UBASH3B: variants seen among roughly 807,000 people sequenced by gnomAD.
UBASH3B encodes the protein ubiquitin associated and SH3 domain containing B.
A neutral mutation model predicts 83.4 loss-of-function variants in UBASH3B; 37 were observed. The observed-to-expected ratio is 0.44, with a 90% CI of 0.34 to 0.58. The LOEUF is 0.58. Among genes scored for constraint, UBASH3B ranks in the 20% least tolerant of loss-of-function variants. The probability of loss-of-function intolerance (pLI) is 0.01; values close to 1 mark genes in which losing one functional copy is unlikely to be tolerated. For synonymous variants in UBASH3B, 304 were observed against 318.3 expected (o/e 0.96, Z 0.48); for missense variants, 657 against 827.2 (o/e 0.79, Z 2.52).
intron 6 of UBASH3B, among the ~76,000 whole-genome samples, chr11:122,791,559 CCTGTAGATGAA>C (rs1861054369): frequency 6.6e-6 from 1 of 152,190 alleles, no homozygotes; most frequent in African/African-American, 2.4e-5. Flanking sequence ...TAAAAGCAAT[CCTGTAGATGAA>C]CTGCACTTTC....
chr11:122,718,291 AT>A (rs1860560922), intron 1 of UBASH3B, among the ~76,000 whole-genome samples: 1 of 152,222 alleles, frequency 6.6e-6, no homozygotes, highest in South Asian at 2.1e-4. Flanking sequence ...TTTAAAATAC[AT>A]TTCGGATGAA....
chr11:122,754,254 C>T (rs1861249179), intron 1 of UBASH3B, among the ~76,000 whole-genome samples: 2 of 152,218 alleles, frequency 1.3e-5, no homozygotes, highest in Non-Finnish European at 2.9e-5. Flanking sequence ...CTTATCAATG[C>T]CACTCCAGAA....
chr11:122,793,810 A>G (rs186356310), intron 6 of UBASH3B, among the ~76,000 whole-genome samples: 1 of 152,322 alleles, frequency 6.6e-6, no homozygotes, highest in Non-Finnish European at 1.5e-5. Context: ...CTTCTCTGAA[A>G]TAATTCTATT....
chr11:122,690,209 T>TATATA (rs1863872587), intron 1 of UBASH3B, among the ~76,000 whole-genome samples: 1 of 20,590 alleles, frequency 4.9e-5, no homozygotes, highest in African/African-American at 1.5e-4. Flanking sequence ...TATATATATA[T>TATATA]CCAATTATAT....
intron 1 of UBASH3B, among the ~76,000 whole-genome samples, chr11:122,714,601 G>A (rs1290679257): frequency 6.6e-6 from 1 of 152,180 alleles, no homozygotes; most frequent in Non-Finnish European, 1.5e-5. Context: ...GCTGCTTCAC[G>A]GTCGTGTGAC....
chr11:122,796,647 G>T (rs1188191162), intron 8 of UBASH3B, among the ~76,000 whole-genome samples: 1 of 152,154 alleles, frequency 6.6e-6, no homozygotes, highest in Non-Finnish European at 1.5e-5. Context: ...CTTAACCAGG[G>T]AATCTCACCT....
At chr11:122,744,758 A>G (rs1168572819) in intron 1 of UBASH3B, among the ~76,000 whole-genome samples, 2 of 151,306 alleles carry the variant, frequency 1.3e-5, no homozygotes, top group Non-Finnish European at 2.9e-5. Context: ...TCAGTGTGTG[A>G]GTGATCACAT....
intron 1 of UBASH3B, among the ~76,000 whole-genome samples, chr11:122,705,961 G>A (rs1864112935): frequency 6.6e-6 from 1 of 152,082 alleles, no homozygotes; most frequent in Admixed American, 6.6e-5. Flanking sequence ...CAAGTCACAC[G>A]GAGGCACTGG....
chr11:122,698,180 ATCTCT>A (rs1195964182), intron 1 of UBASH3B, among the ~76,000 whole-genome samples: 1 of 152,152 alleles, frequency 6.6e-6, no homozygotes, highest in Non-Finnish European at 1.5e-5. Context: ...TACCTGGCAG[ATCTCT>A]TCTCTTAGAG....
intron 4 of UBASH3B, among the ~76,000 whole-genome samples, chr11:122,780,471 G>T (rs189068045): frequency 1.3e-4 from 20 of 152,208 alleles, no homozygotes; most frequent in African/African-American, 4.8e-4. Flanking sequence ...ACAATCTGGT[G>T]GGGGGAGAGC....
chr11:122,765,499 G>A (rs1380652159), intron 1 of UBASH3B, among the ~76,000 whole-genome samples: 1 of 152,154 alleles, frequency 6.6e-6, no homozygotes, highest in Non-Finnish European at 1.5e-5. Context: ...AGGGTGAAGG[G>A]GAACAAAGAG....
intron 1 of UBASH3B, among the ~76,000 whole-genome samples, chr11:122,699,314 A>T (rs77446576): frequency 7.4e-4 from 113 of 152,280 alleles, no homozygotes; most frequent in Non-Finnish European, 7.4e-4. Flanking sequence ...AGAACTCACA[A>T]CTCAGAGGAG....
chr11:122,665,552 C>T (rs1186317037), intron 1 of UBASH3B, among the ~76,000 whole-genome samples: 4 of 152,176 alleles, frequency 2.6e-5, no homozygotes, highest in Admixed American at 2.0e-4. Context: ...GTGTGCTTCT[C>T]TGTTCCAGAG....
chr11:122,672,327 C>CT (rs376357604), intron 1 of UBASH3B, among the ~76,000 whole-genome samples: 45 of 146,574 alleles, frequency 3.1e-4, no homozygotes, highest in Middle Eastern at 3.6e-3. Context: ...ATTTTGTGAA[C>CT]TTTTTTTTTT....
chr11:122,665,504 T>G (rs1397701281), intron 1 of UBASH3B, among the ~76,000 whole-genome samples: 1 of 152,120 alleles, frequency 6.6e-6, no homozygotes, highest in Non-Finnish European at 1.5e-5. Flanking sequence ...TGGACCAGTG[T>G]TTTTGGACAG....
intron 11 of UBASH3B, among the ~76,000 whole-genome samples, chr11:122,805,417 A>G (rs1389706540): frequency 6.6e-6 from 1 of 152,206 alleles, no homozygotes; most frequent in Non-Finnish European, 1.5e-5. Context: ...CTCTAATCCC[A>G]GCTACTTGGG....
chr11:122,682,308 C>T (rs1591766818), intron 1 of UBASH3B, among the ~76,000 whole-genome samples: 1 of 152,158 alleles, frequency 6.6e-6, no homozygotes, highest in Admixed American at 6.5e-5. Flanking sequence ...TGCCTCTCAC[C>T]GTCCAGTATG....
chr11:122,745,578 G>T (rs1214215346), intron 1 of UBASH3B, among the ~76,000 whole-genome samples: 1 of 152,202 alleles, frequency 6.6e-6, no homozygotes, highest in Non-Finnish European at 1.5e-5. Flanking sequence ...ATTGGGAGAG[G>T]CAAGGCCATA....
chr11:122,712,161 GTTC>G (rs1864202504), intron 1 of UBASH3B, among the ~76,000 whole-genome samples: 1 of 151,888 alleles, frequency 6.6e-6, no homozygotes, highest in Non-Finnish European at 1.5e-5. Flanking sequence ...AATTGAATCT[GTTC>G]TTCTCAGATA....
Sources: gnomAD v4.1 joint callset for allele counts (sites outside exome capture counted in the v4.1 genomes callset) on GRCh38, gnomAD v4.1.1 for gene constraint, MANE v1.5 for transcripts, NCBI Gene and HGNC (gene_info 2026-07-23, HGNC 2026-07-21) for gene names.